Variants in SLC2A9 observed in about 807,000 individuals in gnomAD.
SLC2A9 encodes solute carrier family 2 member 9, also known as solute carrier family 2, facilitated glucose transporter member 9.
SLC2A9 carries 39 observed loss-of-function variants against 50.6 expected under a neutral mutation model. The ratio of observed to expected loss-of-function variants is 0.77; its 90% CI spans 0.60 to 1.01. SLC2A9 has a LOEUF of 1.01. Among genes scored for constraint, SLC2A9 ranks in the 50% least tolerant of loss-of-function variants. The probability of loss-of-function intolerance (pLI) is 0.00; values close to 1 mark genes in which losing one functional copy is unlikely to be tolerated. For missense variants in SLC2A9, 686 were observed against 677.6 expected (o/e 1.01, Z -0.14); for synonymous variants, 324 against 276.9 (o/e 1.17, Z -1.69).
intron 3 of SLC2A9, among the ~76,000 whole-genome samples, chr4:9,810,770 T>A (rs1722776276): frequency 6.6e-6 from 1 of 152,216 alleles, no homozygotes; most frequent in Admixed American, 6.5e-5. Context: ...GAGTTATGCA[T>A]TCATTTCCAA....
chr4:9,927,237 G>A (rs1048280368), intron 6 of SLC2A9, among the ~76,000 whole-genome samples: 1 of 152,048 alleles, frequency 6.6e-6, no homozygotes, highest in Admixed American at 6.6e-5. Context: ...GGCTGGTCTC[G>A]AACTCCTGAC....
intron 10 of SLC2A9, among the ~76,000 whole-genome samples, chr4:9,850,551 G>T (rs530798869): frequency 7.9e-5 from 12 of 152,254 alleles, no homozygotes; most frequent in African/African-American, 2.6e-4. Context: ...TGCCCAACCA[G>T]GGTGCTTCCC....
At chr4:10,025,587 T>G, upstream of SLC2A9, 1 of 334,118 alleles carries the variant, frequency 3.0e-6, no homozygotes, top group South Asian at 3.5e-5. Context: ...TAGTGTATCT[T>G]TAACGATGAT....
chr4:9,928,804 C>T (rs2110147020), intron 6 of SLC2A9, among the ~76,000 whole-genome samples: 1 of 152,268 alleles, frequency 6.6e-6, no homozygotes, highest in Admixed American at 6.5e-5. Context: ...AACTTGCAAG[C>T]AGTTTAAAAA....
At chr4:9,989,439 C>G (rs1757301733) in intron 3 of SLC2A9, among the ~76,000 whole-genome samples, 1 of 152,114 alleles carries the variant, frequency 6.6e-6, no homozygotes, top group African/African-American at 2.4e-5. Context: ...CCCTTTTTAT[C>G]ATTCTCAGCT....
At chr4:9,775,488 T>C (rs1468747577), downstream of SLC2A9, among the ~76,000 whole-genome samples, 1 of 152,078 alleles carries the variant, frequency 6.6e-6, no homozygotes, top group Non-Finnish European at 1.5e-5. Flanking sequence ...CCAGATTTCA[T>C]GTTAAATTGC....
intron 3 of SLC2A9, among the ~76,000 whole-genome samples, chr4:9,820,715 ACT>A (rs1491279048): frequency 6.6e-6 from 1 of 152,198 alleles, no homozygotes; most frequent in Non-Finnish European, 1.5e-5. Context: ...ATGAAGAGCA[ACT>A]TTTTTATGTT....
chr4:9,937,916 C>A (rs1186674949), intron 6 of SLC2A9, among the ~76,000 whole-genome samples: 1 of 152,234 alleles, frequency 6.6e-6, no homozygotes, highest in Non-Finnish European at 1.5e-5. Flanking sequence ...CTCCCTCAAG[C>A]ATCAGCGGCC....
intron 9 of SLC2A9, among the ~76,000 whole-genome samples, chr4:9,888,680 G>T (rs929105395): frequency 3.3e-5 from 5 of 152,008 alleles, no homozygotes; most frequent in East Asian, 1.9e-4. Flanking sequence ...AAGGAAAGAG[G>T]TTCCAGTAGG....
chr4:9,869,067 G>A (rs969731144), intron 10 of SLC2A9, among the ~76,000 whole-genome samples: 2 of 152,168 alleles, frequency 1.3e-5, no homozygotes, highest in Non-Finnish European at 2.9e-5. Context: ...AATGAAAATG[G>A]TCAACTAAAT....
intron 11 of SLC2A9, among the ~76,000 whole-genome samples, chr4:9,834,249 G>A (rs796106442): frequency 9.9e-5 from 15 of 152,156 alleles, no homozygotes; most frequent in African/African-American, 2.7e-4. Context: ...TTGTTTCCCC[G>A]TTCAGCTCCA....
At chr4:9,773,992 CTT>C (rs34429694) in intron 1 of SLC2A9, among the ~76,000 whole-genome samples, 92 of 139,758 alleles carry the variant, frequency 6.6e-4, no homozygotes, top group South Asian at 9.4e-4. Context: ...GAAACTCAGT[CTT>C]TTTTTTTTTT....
chr4:10,035,489 G>A (rs1027979953), intron 1 of SLC2A9: 5 of 152,226 alleles, frequency 3.3e-5, no homozygotes, highest in Admixed American at 2.6e-4. Context: ...TCTGCATCTC[G>A]AAGGTGGAAT....
In SLC2A9 at chr4:10,019,017, G is replaced by A. The variant is rs759350686; in HGVS notation, c.207C>T (p.Phe69=). Residue 69 remains phenylalanine, a synonymous_variant, in exon 2 of 12, where the codon TTC becomes TTT. Transcript: ENST00000264784. ...ASLAGAFGSS[F]LYGYNLSVVN... is the part of the protein sequence containing the mutation. The stretch of plus-strand genomic sequence containing the variant: ...CCACCGACAGGTTGTAGCCGTAGAG[G>A]AAGGAGGAGCCGAAGGCGCCCGCGA... 3 of 1,550,894 alleles carry A rather than the reference G, an allele frequency of 1.9e-6. No individual in the cohort carries two copies. The highest frequency in any genetic ancestry group is 1.2e-5 in the South Asian group (1 of 84,040).
At chr4:9,909,809 G>T (rs1460884299) in intron 7 of SLC2A9, among the ~76,000 whole-genome samples, 1 of 152,210 alleles carries the variant, frequency 6.6e-6, no homozygotes, top group Non-Finnish European at 1.5e-5. Flanking sequence ...GACACCCCCT[G>T]CATTAAAGGA....
At chr4:9,995,084 C>T (rs1332220528) in intron 3 of SLC2A9, among the ~76,000 whole-genome samples, 1 of 152,132 alleles carries the variant, frequency 6.6e-6, no homozygotes, top group Admixed American at 6.5e-5. Context: ...TGATTCCAGC[C>T]TAAGCTCAGC....
At chr4:9,785,001 C>A (rs1242034653) in intron 3 of SLC2A9, among the ~76,000 whole-genome samples, 1 of 152,122 alleles carries the variant, frequency 6.6e-6, no homozygotes, top group Non-Finnish European at 1.5e-5. Flanking sequence ...AAAGCAAATC[C>A]TATTCAGTAC....
chr4:9,845,050 G>A (rs182645180), intron 10 of SLC2A9, among the ~76,000 whole-genome samples: 90 of 151,576 alleles, frequency 5.9e-4, no homozygotes, highest in Non-Finnish European at 9.7e-4. Flanking sequence ...GTCTCGCTCT[G>A]TTGTCCAGGC....
chr4:9,778,647 G>C (rs1717894818), downstream of SLC2A9, among the ~76,000 whole-genome samples: 1 of 152,026 alleles, frequency 6.6e-6, no homozygotes, highest in African/African-American at 2.4e-5. Context: ...CCCTCCTCCG[G>C]CTTTTCAGGT....
Sources: allele counts gnomAD v4.1 joint callset (sites outside exome capture counted in the v4.1 genomes callset), GRCh38; gene constraint gnomAD v4.1.1; transcripts MANE v1.5; gene names NCBI Gene and HGNC (gene_info 2026-07-23, HGNC 2026-07-21).